Variants in GRIA4 observed in about 807,000 individuals in gnomAD.
GRIA4 encodes the protein glutamate ionotropic receptor AMPA type subunit 4, also known as glutamate receptor 4.
Under a neutral mutation model 104.0 loss-of-function variants are expected in GRIA4, and 34 were observed. That is an observed-to-expected ratio of 0.33 (90% CI 0.25 to 0.44). The LOEUF is 0.44. Ranked by LOEUF, GRIA4 falls within the 20% of genes least tolerant of loss-of-function variation. The pLI, the probability that GRIA4 is intolerant of heterozygous loss-of-function variation, is 1.00. For synonymous variants in GRIA4, 386 were observed against 381.9 expected (o/e 1.01, Z -0.13); for missense variants, 750 against 1,096.5 (o/e 0.68, Z 4.46).
At chr11:105,705,451 C>T (rs1373254357) in intron 3 of GRIA4, among the ~76,000 whole-genome samples, 2 of 152,032 alleles carry the variant, frequency 1.3e-5, no homozygotes, top group Non-Finnish European at 2.9e-5. Context: ...ACTAAAACAA[C>T]ACCATAAATA....
At chr11:105,888,166 T>C (rs1444062220) in intron 6 of GRIA4, among the ~76,000 whole-genome samples, 1 of 151,960 alleles carries the variant, frequency 6.6e-6, no homozygotes, top group Non-Finnish European at 1.5e-5. Flanking sequence ...GGGTAGATTA[T>C]GTATGGAGCG....
chr11:105,897,452 C>T (rs546465807), intron 6 of GRIA4, among the ~76,000 whole-genome samples: 4 of 151,834 alleles, frequency 2.6e-5, no homozygotes, highest in Non-Finnish European at 5.9e-5. Flanking sequence ...ATGTTAAATA[C>T]GAGTGGTGAG....
intron 5 of GRIA4, among the ~76,000 whole-genome samples, chr11:105,873,470 T>C (rs984478276): frequency 3.3e-5 from 5 of 152,180 alleles, no homozygotes; most frequent in Non-Finnish European, 5.9e-5. Flanking sequence ...AAATGGTATT[T>C]CTGGTTCTAG....
At chr11:105,628,395 C>A (rs1417371921) in intron 3 of GRIA4, among the ~76,000 whole-genome samples, 3 of 152,068 alleles carry the variant, frequency 2.0e-5, no homozygotes, top group Non-Finnish European at 4.4e-5. Context: ...GTGTCCCCAC[C>A]CACATCTCAT....
intron 3 of GRIA4, among the ~76,000 whole-genome samples, chr11:105,692,620 A>G (rs1953129406): frequency 6.6e-6 from 1 of 152,188 alleles, no homozygotes; most frequent in Non-Finnish European, 1.5e-5. Context: ...TTATGCTTTT[A>G]TATAACTTTT....
At chr11:105,881,453 G>C (rs1473165451) in intron 5 of GRIA4, among the ~76,000 whole-genome samples, 3 of 152,140 alleles carry the variant, frequency 2.0e-5, no homozygotes, top group South Asian at 4.1e-4. Context: ...AGTGACCATA[G>C]AGACATCAGA....
intron 3 of GRIA4, among the ~76,000 whole-genome samples, chr11:105,688,424 G>C (rs1011427557): frequency 2.6e-5 from 4 of 152,180 alleles, no homozygotes; most frequent in African/African-American, 9.6e-5. Context: ...AGCCGGGCGT[G>C]GTGGCGTGCG....
chr11:105,736,341 A>G (rs1007070813), intron 3 of GRIA4, among the ~76,000 whole-genome samples: 1 of 152,206 alleles, frequency 6.6e-6, no homozygotes, highest in Non-Finnish European at 1.5e-5. Flanking sequence ...GGCGGATATG[A>G]GAGCCATATT....
chr11:105,971,548 A>G (rs1858692093), intron 14 of GRIA4, among the ~76,000 whole-genome samples: 1 of 152,232 alleles, frequency 6.6e-6, no homozygotes, highest in African/African-American at 2.4e-5. Flanking sequence ...TCTGTCTGTC[A>G]ACCTGCAGCC....
At chr11:105,876,914 T>C (rs995689441) in intron 5 of GRIA4, among the ~76,000 whole-genome samples, 2 of 152,218 alleles carry the variant, frequency 1.3e-5, no homozygotes, top group African/African-American at 4.8e-5. Context: ...CCCGTTTACA[T>C]TTAAGGTTAA....
At chr11:105,935,303 CTG>C (rs1339080993) in intron 14 of GRIA4, among the ~76,000 whole-genome samples, 3 of 152,088 alleles carry the variant, frequency 2.0e-5, no homozygotes, top group African/African-American at 7.2e-5. Context: ...TGGTTATGGA[CTG>C]TGGCAATTCT....
At chr11:105,855,640 T>C (rs1461491421) in intron 4 of GRIA4, among the ~76,000 whole-genome samples, 1 of 152,172 alleles carries the variant, frequency 6.6e-6, no homozygotes, top group Non-Finnish European at 1.5e-5. Flanking sequence ...AAAAATGCTT[T>C]ACTTAAAATA....
intron 4 of GRIA4, among the ~76,000 whole-genome samples, chr11:105,771,183 T>C (rs1233694122): frequency 2.0e-5 from 3 of 152,076 alleles, no homozygotes; most frequent in Non-Finnish European, 4.4e-5. Context: ...TTTTTCTGCA[T>C]CTTTACTCCT....
intron 11 of GRIA4, among the ~76,000 whole-genome samples, chr11:105,921,309 GTGTGTGT>G (rs1565343497): frequency 1.2e-4 from 12 of 99,678 alleles, no homozygotes; most frequent in Middle Eastern, 0.014. Context: ...ACACTTGGGT[GTGTGTGT>G]GTGTGTGTGT....
intron 4 of GRIA4, among the ~76,000 whole-genome samples, chr11:105,839,675 C>A (rs1466018423): frequency 6.6e-6 from 1 of 151,332 alleles, no homozygotes; most frequent in South Asian, 2.1e-4. Context: ...GCCACCGCAC[C>A]CCAGCCTGGG....
At chr11:105,872,932 CT>C (rs574863443) in intron 5 of GRIA4, among the ~76,000 whole-genome samples, 275 of 151,636 alleles carry the variant, frequency 1.8e-3, no homozygotes, top group African/African-American at 6.5e-3. Context: ...CATGGTGTAT[CT>C]TTTTTTATTT....
intron 14 of GRIA4, among the ~76,000 whole-genome samples, chr11:105,956,176 G>A (rs1948585144): frequency 1.4e-5 from 2 of 143,952 alleles, no homozygotes; most frequent in South Asian, 4.5e-4. Context: ...GGTTACATAT[G>A]TATACATGTG....
intron 3 of GRIA4, among the ~76,000 whole-genome samples, chr11:105,704,566 CA>C (rs1220576799): frequency 5.3e-5 from 8 of 151,692 alleles, no homozygotes; most frequent in African/African-American, 1.9e-4. Context: ...TGAAAGGTTG[CA>C]AAAAATGGAC....
chr11:105,674,735 C>T lies in GRIA4; in HGVS notation c.247+62301C>T, dbSNP rs1469022130. Among the ~76,000 whole-genome samples the T allele has an allele frequency of 4.0e-5, 6 of 151,828 alleles. No individual in the cohort carries two copies. In the Admixed American group the frequency reaches 4.0e-4, roughly 10 times the overall value. On this transcript the variant is annotated intron_variant, in intron 3 of 16. Coordinates refer to ENST00000282499, the MANE Select transcript of GRIA4 (RefSeq NM_000829.4). ...TTTGGATCCAGAGGAAAACCTACTT[C>T]CCAAGGTTTAAAAGAGGAGCATTGC...
Sources: gnomAD v4.1 joint callset for allele counts (sites outside exome capture counted in the v4.1 genomes callset) on GRCh38, gnomAD v4.1.1 for gene constraint, MANE v1.5 for transcripts, NCBI Gene and HGNC (gene_info 2026-07-23, HGNC 2026-07-21) for gene names.